Variants in PTPRT observed in about 807,000 individuals in gnomAD.
PTPRT encodes the protein receptor-type tyrosine-protein phosphatase T.
A neutral mutation model predicts 176.8 loss-of-function variants in PTPRT; 56 were observed. The ratio of observed to expected loss-of-function variants is 0.32; its 90% CI spans 0.26 to 0.40. The LOEUF (loss-of-function observed/expected upper bound fraction) is 0.40, where lower values mean the gene tolerates loss of function less well. Ranked by LOEUF, PTPRT falls within the 10% of genes least tolerant of loss-of-function variation. The probability of loss-of-function intolerance (pLI) is 1.00; values close to 1 mark genes in which losing one functional copy is unlikely to be tolerated. For synonymous variants in PTPRT, 783 were observed against 739.0 expected (o/e 1.06, Z -0.96); for missense variants, 1,540 against 1,908.2 (o/e 0.81, Z 3.60).
At chr20:42,457,571 G>T (rs2070945319) in intron 8 of PTPRT, among the ~76,000 whole-genome samples, 1 of 152,122 alleles carries the variant, frequency 6.6e-6, no homozygotes. Context: ...GGGTCATTCT[G>T]CTAGTTACCA....
intron 7 of PTPRT, among the ~76,000 whole-genome samples, chr20:42,492,950 T>A (rs2071586568): frequency 6.6e-6 from 1 of 152,232 alleles, no homozygotes; most frequent in South Asian, 2.1e-4. Flanking sequence ...ATTTCTCAGA[T>A]CTTCAATGTC....
intron 1 of PTPRT, among the ~76,000 whole-genome samples, chr20:43,031,773 C>T (rs1986148035): frequency 6.6e-6 from 1 of 152,168 alleles, no homozygotes; most frequent in Non-Finnish European, 1.5e-5. Flanking sequence ...ACCAAAAGGA[C>T]AATATAAGGG....
chr20:43,182,881 GAT>G (rs912492138), intron 1 of PTPRT, among the ~76,000 whole-genome samples: 1 of 152,082 alleles, frequency 6.6e-6, no homozygotes, highest in African/African-American at 2.4e-5. Context: ...ATCTGCTCCT[GAT>G]CCAAGGCACT....
chr20:42,662,234 A>T (rs1010890165), intron 7 of PTPRT, among the ~76,000 whole-genome samples: 3 of 152,192 alleles, frequency 2.0e-5, no homozygotes, highest in African/African-American at 7.2e-5. Context: ...TTTGAAACAT[A>T]TAAGTAGGTA....
chr20:43,126,802 C>T (rs761434806), intron 1 of PTPRT, among the ~76,000 whole-genome samples: 20 of 152,132 alleles, frequency 1.3e-4, no homozygotes, highest in Non-Finnish European at 2.9e-4. Flanking sequence ...ATAGTGGTAG[C>T]AGGAAGAGCA....
intron 16 of PTPRT, among the ~76,000 whole-genome samples, chr20:42,198,525 G>T (rs932263006): frequency 2.0e-5 from 3 of 152,160 alleles, no homozygotes; most frequent in Admixed American, 2.0e-4. Context: ...TGATAGAATG[G>T]CTGTAAGAAC....
At chr20:43,129,467 C>A (rs1470794642) in intron 1 of PTPRT, among the ~76,000 whole-genome samples, 1 of 152,100 alleles carries the variant, frequency 6.6e-6, no homozygotes, top group African/African-American at 2.4e-5. Context: ...CCTTTCTGAG[C>A]CCACAATTTT....
At chr20:42,158,611 G>A (rs1270623222) in intron 17 of PTPRT, among the ~76,000 whole-genome samples, 3 of 152,134 alleles carry the variant, frequency 2.0e-5, no homozygotes, top group Non-Finnish European at 4.4e-5. Context: ...TGCTCAGGAG[G>A]ATTACCGAGA....
intron 14 of PTPRT, among the ~76,000 whole-genome samples, chr20:42,238,653 G>A (rs2056291982): frequency 6.6e-6 from 1 of 152,194 alleles, no homozygotes; most frequent in South Asian, 2.1e-4. Context: ...GAATCAAGAG[G>A]CCAGCATTAT....
rs117283366 is a variant in PTPRT at position 42,907,936 on chromosome 20, C to T, written c.89-22004G>A. ...TGATTGTGCAACTTTCCTCCAGGGG[C>T]TGACACACCCTGAAGCCAATGAAAG... On this transcript the variant is annotated intron_variant, in intron 1 of 30. Transcript: ENST00000373187. Among the ~76,000 whole-genome samples the T allele has an allele frequency of 3.4e-3, 513 of 152,180 alleles. 1 individual carries two copies. Among genetic ancestry groups the T allele is most frequent in the Admixed American group, 6.2e-3 (95 of 15,294 alleles).
intron 1 of PTPRT, among the ~76,000 whole-genome samples, chr20:43,015,536 C>G (rs1473551978): frequency 3.3e-5 from 5 of 152,216 alleles, no homozygotes; most frequent in Non-Finnish European, 5.9e-5. Context: ...AAAGGGGACA[C>G]TTGGGAACGG....
At chr20:42,347,526 C>T (rs1337354978) in intron 11 of PTPRT, among the ~76,000 whole-genome samples, 4 of 152,066 alleles carry the variant, frequency 2.6e-5, no homozygotes, top group Admixed American at 6.5e-5. Context: ...AAACATAAGC[C>T]GAGCACACCA....
intron 15 of PTPRT, among the ~76,000 whole-genome samples, chr20:42,210,402 T>C (rs1305265175): frequency 3.3e-5 from 5 of 151,830 alleles, no homozygotes; most frequent in South Asian, 2.1e-4. Flanking sequence ...GAAAACCCCA[T>C]CGTCTCAGCC....
intron 14 of PTPRT, among the ~76,000 whole-genome samples, chr20:42,236,593 ATTTTTTT>A (rs11480202): frequency 7.4e-6 from 1 of 135,636 alleles, no homozygotes; most frequent in Non-Finnish European, 1.6e-5. Flanking sequence ...TGTAATTATG[ATTTTTTT>A]TTTTTTTTTT....
At chr20:42,993,795 C>A (rs932930851) in intron 1 of PTPRT, among the ~76,000 whole-genome samples, 1 of 151,996 alleles carries the variant, frequency 6.6e-6, no homozygotes, top group African/African-American at 2.4e-5. Context: ...AATATTGCAT[C>A]ATGCCACCTT....
intron 6 of PTPRT, among the ~76,000 whole-genome samples, chr20:42,747,587 G>A (rs1434969232): frequency 1.2e-4 from 19 of 152,188 alleles, no homozygotes; most frequent in Admixed American, 1.2e-3. Flanking sequence ...GCCTCTCTGA[G>A]AAGCTGAAGT....
At chr20:42,509,729 T>C (rs2071919979) in intron 7 of PTPRT, among the ~76,000 whole-genome samples, 2 of 151,976 alleles carry the variant, frequency 1.3e-5, no homozygotes, top group African/African-American at 2.4e-5. Flanking sequence ...ACTCTGAACC[T>C]TAGTTCATCT....
intron 18 of PTPRT, among the ~76,000 whole-genome samples, chr20:42,141,520 G>C (rs914393207): frequency 1.3e-5 from 2 of 152,230 alleles, no homozygotes; most frequent in African/African-American, 4.8e-5. Flanking sequence ...AATTAGAGGA[G>C]CTTCTGGGAA....
At chr20:43,141,031 T>C (rs920094670) in intron 1 of PTPRT, among the ~76,000 whole-genome samples, 1 of 152,216 alleles carries the variant, frequency 6.6e-6, no homozygotes, top group African/African-American at 2.4e-5. Flanking sequence ...TGGAAAATTG[T>C]AGCACAAATG....
Sources: gnomAD v4.1 joint callset for allele counts (sites outside exome capture counted in the v4.1 genomes callset) on GRCh38, gnomAD v4.1.1 for gene constraint, MANE v1.5 for transcripts, NCBI Gene and HGNC (gene_info 2026-07-23, HGNC 2026-07-21) for gene names.